The following ARV1 variants were observed in gnomAD, a reference collection of about 807,000 sequenced individuals.
ARV1 encodes ARV1 fatty acid homeostasis modulator, also known as protein ARV1.
In ARV1, 26 loss-of-function variants were observed where a neutral mutation model predicts 31.1. The observed-to-expected ratio is 0.84, with a 90% confidence interval of 0.61 to 1.16. ARV1 has a LOEUF of 1.16. ARV1 is among the 50% of genes most tolerant of loss of function. The pLI, the probability that ARV1 is intolerant of heterozygous loss-of-function variation, is 0.00. For synonymous variants in ARV1, 117 were observed against 123.2 expected (o/e 0.95, Z 0.34); for missense variants, 281 against 324.9 (o/e 0.86, Z 1.04).
chr1:230,985,710 T>G (rs1314248002), intron 1 of ARV1, among the ~76,000 whole-genome samples: 1 of 152,084 alleles, frequency 6.6e-6, no homozygotes, highest in Non-Finnish European at 1.5e-5. Context: ...CATTTTAACA[T>G]GAAGCAGCCT....
chr1:230,984,347 T>C (rs1479088296), intron 1 of ARV1, among the ~76,000 whole-genome samples: 1 of 67,484 alleles, frequency 1.5e-5, no homozygotes, highest in Non-Finnish European at 3.1e-5. Context: ...TTGTTTCGTG[T>C]GTGTGTGTGT....
chr1:230,979,447 C>T (rs562618891), intron 1 of ARV1, 168 bp downstream of exon 1: 1 of 767,584 alleles, frequency 1.3e-6, no homozygotes, highest in Non-Finnish European at 2.0e-6. Flanking sequence ...TACCCGACAG[C>T]GCTTTTCTCA....
At chr1:230,992,369 C>A (rs1001182196) in intron 3 of ARV1, among the ~76,000 whole-genome samples, 1 of 152,184 alleles carries the variant, frequency 6.6e-6, no homozygotes, top group African/African-American at 2.4e-5. Flanking sequence ...ATGTCTGACT[C>A]CTGCATACCC....
chr1:230,987,775 C>T (rs945074253), intron 1 of ARV1, among the ~76,000 whole-genome samples: 2 of 152,178 alleles, frequency 1.3e-5, no homozygotes, highest in African/African-American at 4.8e-5. Flanking sequence ...TCCCCTGTTA[C>T]CGGCCACCTC....
intron 1 of ARV1, among the ~76,000 whole-genome samples, chr1:230,984,369 T>TGTGCGCGTGC (rs1553303978): frequency 1.9e-3 from 167 of 88,522 alleles, no homozygotes; most frequent in South Asian, 3.4e-3. Context: ...TGTGCGTGTG[T>TGTGCGCGTGC]GTGTGTGTGT....
At chr1:230,987,186 A>G (rs1679106509) in intron 1 of ARV1, among the ~76,000 whole-genome samples, 1 of 152,202 alleles carries the variant, frequency 6.6e-6, no homozygotes. Context: ...TAGATGACTA[A>G]CAGGCGGGGA....
chr1:230,997,257 C>G lies in ARV1; in HGVS notation c.810C>G (p.Asp270Glu), dbSNP rs1257590413. Residue 270 changes from aspartate to glutamate, a missense_variant, in exon 5 of 6, where the codon GAC (aspartate) becomes GAG (glutamate). By Grantham distance (45) the Asp-to-Glu change is conservative (BLOSUM62 2). Transcript: ENST00000310256. ...GSDYAIFKSQ[D>E]F ...ATTATGCCATCTTTAAATCTCAGGA[C>G]TTCTGAAGAGGTACTGAAAGCATGT... 2 of 1,613,730 alleles carry G rather than the reference C, an allele frequency of 1.2e-6. No individual in the cohort carries two copies. The highest frequency in any genetic ancestry group is 1.7e-6 in the Non-Finnish European group (2 of 1,179,810).
At chr1:230,990,861 G>A (rs1404796363) in intron 3 of ARV1, among the ~76,000 whole-genome samples, 1 of 152,148 alleles carries the variant, frequency 6.6e-6, no homozygotes, top group Admixed American at 6.5e-5. Context: ...GTGAGCCACT[G>A]TGCCTGGCCA....
In ARV1 at chr1:230,995,428, C is replaced by G. The variant is rs1679331873; in HGVS notation, c.449-332C>G. On this transcript the variant is annotated intron_variant, in intron 3 of 5. Transcript: ENST00000310256. The stretch of plus-strand genomic sequence containing the variant: ...TTCTCCTGTTTTATTCTTTGGAGAT[C>G]TCTTACACTGAAGATGTTTAAGCAG... 2.6e-5 allele frequency among the ~76,000 whole-genome samples: 4 copies of G among 152,250 alleles called. No homozygotes were observed. In the South Asian group the frequency reaches 8.3e-4, roughly 32 times the overall value.
rs773231288 is a variant in ARV1 at position 230,995,808 on chromosome 1, G to A, written c.497G>A (p.Arg166Gln). 1.7e-5 allele frequency: 27 copies of A among 1,613,736 alleles called. No individual in the cohort carries two copies. Among genetic ancestry groups the A allele is most frequent in the South Asian group, 1.2e-4 (11 of 91,056 alleles). Residue 166 changes from arginine (R) to glutamine (Q), a missense_variant, in exon 4 of 6, where the codon CGG becomes CAG. Arg to Gln is a conservative substitution (Grantham distance 43). Coordinates refer to ENST00000310256, the MANE Select transcript of ARV1 (RefSeq NM_022786.3). ...IGIFTFLWVE[R>Q]PMTAKKKPNF... ...ATTTTTACCTTCCTGTGGGTAGAAC[G>A]GCCCATGACGGCAAAAAAAAAGCCC... is the stretch of plus-strand genomic sequence containing the variant.
chr1:230,994,643 G>A (rs1464121911), intron 3 of ARV1, among the ~76,000 whole-genome samples: 1 of 150,870 alleles, frequency 6.6e-6, no homozygotes, highest in Non-Finnish European at 1.5e-5. Flanking sequence ...CCGGGTTCAC[G>A]CCATTCTCCT....
At chr1:230,980,762 T>TTA (rs752035039) in intron 1 of ARV1, among the ~76,000 whole-genome samples, 3 of 121,836 alleles carry the variant, frequency 2.5e-5, no homozygotes, top group Non-Finnish European at 5.2e-5. Context: ...ACTTCTTCCA[T>TTA]CAAAAAAAAA....
rs1679350311 is a variant in ARV1, at chr1:230,995,920, C to T, written c.609C>T (p.Tyr203=). 1 of 1,613,982 alleles carries T rather than the reference C, an allele frequency of 6.2e-7. No homozygotes were observed. Among genetic ancestry groups the T allele is most frequent in the South Asian group, 1.1e-5 (1 of 91,088 alleles). ...CAGCTGTCATTTGGGAACATGACTA[C>T]ACATCTGTGTGCCTCAAACTCATTA... ...LIPAVIWEHD[Y]TSVCLKLIKV... is the part of the protein sequence containing the mutation. Residue 203 remains tyrosine, a synonymous_variant, in exon 4 of 6, where the codon TAC becomes TAT. Transcript: ENST00000310256.
chr1:230,984,367 T>TGCGCGC (rs546399640), intron 1 of ARV1, among the ~76,000 whole-genome samples: 9 of 124,296 alleles, frequency 7.2e-5, no homozygotes, highest in African/African-American at 3.1e-4. Flanking sequence ...TGTGTGCGTG[T>TGCGCGC]GTGTGTGTGT....
At position 230,979,267 on chromosome 1, in the gene ARV1, GATAACC is replaced by G. The variant is rs1327964612; in HGVS notation, c.165_170del (p.Thr56_Ile57del). Reference sequence around the variant, plus strand: ...GAGACTATAACCACGGTGTGCTGAAGATAACCATCTGTGTGAGTTGTCAGGTGTGGG... The same window carrying G: ...GAGACTATAACCACGGTGTGCTGAAGATCTGTGTGAGTTGTCAGGTGTGGG... On this transcript the variant is annotated inframe_deletion, in exon 1 of 6. Transcript: ENST00000310256. 6.2e-7 allele frequency: 1 copy of G among 1,613,104 alleles called. No individual in the cohort carries two copies. The highest frequency in any genetic ancestry group is 1.1e-5 in the South Asian group (1 of 90,854).
rs144238775 is a variant in ARV1 at position 230,998,271 on chromosome 1, G to A, written c.*4+1004G>A. On this transcript the variant is annotated intron_variant, in intron 5 of 5. Transcript: ENST00000310256. Reference sequence around the variant, plus strand: ...CTGGAGCAGAGGGACACAGACCCCCGTCAGGGAGAGTTGAGGCTGCGCTTT... The same window carrying A: ...CTGGAGCAGAGGGACACAGACCCCCATCAGGGAGAGTTGAGGCTGCGCTTT... Among the ~76,000 whole-genome samples the A allele has an allele frequency of 8.1e-3, 1,228 of 152,272 alleles. 13 individuals are homozygous for A. Among genetic ancestry groups the A allele is most frequent in the African/African-American group, 0.026 (1,094 of 41,562 alleles).
At chr1:230,987,172 C>T (rs1028503166) in intron 1 of ARV1, among the ~76,000 whole-genome samples, 6 of 152,238 alleles carry the variant, frequency 3.9e-5, no homozygotes, top group African/African-American at 1.2e-4. Flanking sequence ...ACCTGGACAG[C>T]GACTAGATGA....
At chr1:230,990,336 G>A in intron 3 of ARV1, 73 bp downstream of exon 3, 1 of 1,543,410 alleles carries the variant, frequency 6.5e-7, no homozygotes, top group Non-Finnish European at 8.8e-7. Flanking sequence ...ACTAAGACAT[G>A]TAGTCTTAAT....
intron 3 of ARV1, among the ~76,000 whole-genome samples, chr1:230,991,620 A>G (rs906155648): frequency 6.7e-6 from 1 of 150,140 alleles, no homozygotes; most frequent in African/African-American, 2.5e-5. Context: ...TCCACCTTCA[A>G]AGTACTTCTA....
Sources: allele counts gnomAD v4.1 joint callset (sites outside exome capture counted in the v4.1 genomes callset), GRCh38; gene constraint gnomAD v4.1.1; transcripts MANE v1.5; gene names NCBI Gene and HGNC (gene_info 2026-07-23, HGNC 2026-07-21).